Variants in EML1 observed in about 807,000 individuals in gnomAD.
EML1 encodes the protein EMAP like 1.
EML1 carries 27 observed loss-of-function variants against 110.4 expected under a neutral mutation model. That is an observed-to-expected ratio of 0.24 (90% CI 0.18 to 0.34). The LOEUF (loss-of-function observed/expected upper bound fraction) is 0.34. EML1 is among the 10% of genes least tolerant of loss of function. The pLI, the probability that EML1 is intolerant of heterozygous loss-of-function variation, is 1.00. For synonymous variants in EML1, 344 were observed against 385.8 expected (o/e 0.89, Z 1.27); for missense variants, 741 against 1,030.9 (o/e 0.72, Z 3.85).
chr14:99,830,822 A>T (rs1316774769), intron 1 of EML1, among the ~76,000 whole-genome samples: 1 of 152,168 alleles, frequency 6.6e-6, no homozygotes, highest in Non-Finnish European at 1.5e-5. Context: ...AAGTGCTGGG[A>T]TTACAGGTAT....
At chr14:99,824,265 C>T (rs1024752693) in intron 1 of EML1, among the ~76,000 whole-genome samples, 4 of 152,208 alleles carry the variant, frequency 2.6e-5, no homozygotes, top group African/African-American at 7.2e-5. Context: ...CGGCTCCATG[C>T]ATCACCTCTA....
rs67480916 is a variant in EML1, at chr14:99,864,805, C to CA, written c.251-690dup. On this transcript the variant is annotated intron_variant, in intron 2 of 21. Transcript: ENST00000262233. ...GAGCAACAAGAGTGAAACTCTGTCT[C>CA]AAAAAAAAAAAAAAAAAAAGAAAAG... is the stretch of plus-strand genomic sequence containing the variant. Among the ~76,000 whole-genome samples, 936 of 98,850 alleles carry CA rather than the reference C, an allele frequency of 9.5e-3. 13 individuals are homozygous for CA. The highest frequency in any genetic ancestry group is 0.022 in the African/African-American group (583 of 25,998). The allele number at this position is 98,850 out of a possible 152,430, so 64.8% of individuals were successfully genotyped here.
chr14:99,914,079 CTG>C (rs1280094098), intron 13 of EML1, 98 bp from the exon 14 acceptor site: 3 of 1,417,510 alleles, frequency 2.1e-6, no homozygotes, highest in African/African-American at 1.4e-5. Flanking sequence ...GTATATAAAA[CTG>C]TTATAGGGAC....
intron 9 of EML1, among the ~76,000 whole-genome samples, chr14:99,903,972 C>T (rs754096504): frequency 4.6e-5 from 7 of 151,770 alleles, no homozygotes; most frequent in Admixed American, 2.0e-4. Context: ...TTAGTAGAGA[C>T]GGGTTTCACT....
chr14:99,775,513 A>T (rs1430626710), intron 1 of EML1, among the ~76,000 whole-genome samples: 2 of 152,188 alleles, frequency 1.3e-5, no homozygotes, highest in Admixed American at 1.3e-4. Context: ...TTCACTTCAC[A>T]GGCAAGTAGG....
At chr14:99,877,250 G>C (rs1017375680) in intron 3 of EML1, among the ~76,000 whole-genome samples, 1 of 152,004 alleles carries the variant, frequency 6.6e-6, no homozygotes, top group Admixed American at 6.6e-5. Context: ...TTCCACTCAT[G>C]AGGGCTTCAC....
chr14:99,851,106 A>G (rs2058790952), intron 2 of EML1, 71 bp downstream of exon 2: 4 of 1,491,086 alleles, frequency 2.7e-6, no homozygotes, highest in Admixed American at 2.0e-5. Flanking sequence ...TAGCAAACAC[A>G]TTGTGCTCTT....
At chr14:99,921,075 G>GC (rs1261742059) in intron 17 of EML1, among the ~76,000 whole-genome samples, 198 bp downstream of exon 17, 1 of 147,754 alleles carries the variant, frequency 6.8e-6, no homozygotes, top group Non-Finnish European at 1.5e-5. Context: ...CCTCCCCCTC[G>GC]CCCCCCTCCA....
intron 1 of EML1, among the ~76,000 whole-genome samples, chr14:99,828,323 C>G (rs573476856): frequency 2.4e-4 from 37 of 152,182 alleles, no homozygotes; most frequent in Admixed American, 3.3e-4. Context: ...AACCTTGTGC[C>G]GTCTGCTTTC....
chr14:99,917,217 T>C (rs1228084342), intron 15 of EML1, among the ~76,000 whole-genome samples: 1 of 152,152 alleles, frequency 6.6e-6, no homozygotes, highest in African/African-American at 2.4e-5. Flanking sequence ...TTACCTGTCT[T>C]TCATCAGATT....
chr14:99,853,922 C>T lies in EML1; in HGVS notation c.250+2887C>T, dbSNP rs140650104. 3.4e-3 allele frequency among the ~76,000 whole-genome samples: 514 copies of T among 152,316 alleles called. 5 individuals carry two copies. The highest frequency in any genetic ancestry group is 0.012 in the African/African-American group (485 of 41,558). ...CTGACCTTAGGTGATCCGCCTGCCT[C>T]GGCCTCCCAAAGTGCTGGGATTACA... On this transcript the variant is annotated intron_variant, in intron 2 of 21. Coordinates refer to ENST00000262233, the MANE Select transcript of EML1 (RefSeq NM_004434.3).
chr14:99,846,029 A>G (rs2058701632), intron 1 of EML1, among the ~76,000 whole-genome samples: 1 of 149,902 alleles, frequency 6.7e-6, no homozygotes, highest in Non-Finnish European at 1.5e-5. Flanking sequence ...CAGCCTGGGC[A>G]ATAGAGCAAG....
intron 10 of EML1, among the ~76,000 whole-genome samples, chr14:99,909,114 T>A (rs2059904938): frequency 6.6e-6 from 1 of 152,146 alleles, no homozygotes; most frequent in Non-Finnish European, 1.5e-5. Context: ...GTGCTCCCTG[T>A]CCTCAAGGGC....
chr14:99,909,959 C>G (rs1463142991), intron 11 of EML1, among the ~76,000 whole-genome samples: 2 of 152,154 alleles, frequency 1.3e-5, no homozygotes, highest in East Asian at 3.9e-4. Context: ...CCACCCTTCT[C>G]CCCGGTCAGT....
At chr14:99,925,041 TG>T (rs2060209087) in intron 17 of EML1, among the ~76,000 whole-genome samples, 1 of 152,188 alleles carries the variant, frequency 6.6e-6, no homozygotes, top group African/African-American at 2.4e-5. Flanking sequence ...TTTCTTTTCT[TG>T]TGGCATCTTT....
intron 13 of EML1, among the ~76,000 whole-genome samples, chr14:99,912,103 A>G (rs1478563233): frequency 6.6e-6 from 1 of 151,584 alleles, no homozygotes; most frequent in Non-Finnish European, 1.5e-5. Flanking sequence ...GCTGGTTTGG[A>G]ACTCCTGAGC....
intron 1 of EML1, among the ~76,000 whole-genome samples, chr14:99,776,124 A>G (rs2057479549): frequency 6.6e-6 from 1 of 152,226 alleles, no homozygotes; most frequent in Non-Finnish European, 1.5e-5. Flanking sequence ...GATTAAATAT[A>G]TAGAAGAGAT....
chr14:99,801,664 C>T (rs1222466611), intron 1 of EML1, among the ~76,000 whole-genome samples: 2 of 152,142 alleles, frequency 1.3e-5, no homozygotes, highest in Admixed American at 1.3e-4. Context: ...ACTCTTCTAC[C>T]CACTGCCCCA....
chr14:99,875,987 G>A (rs1354248536), intron 3 of EML1, among the ~76,000 whole-genome samples: 1 of 152,200 alleles, frequency 6.6e-6, no homozygotes, highest in African/African-American at 2.4e-5. Context: ...TGTGGAAAGT[G>A]TATTCAGATA....
Sources: allele counts gnomAD v4.1 joint callset (sites outside exome capture counted in the v4.1 genomes callset), GRCh38; gene constraint gnomAD v4.1.1; transcripts MANE v1.5; gene names NCBI Gene and HGNC (gene_info 2026-07-23, HGNC 2026-07-21).